Variants in CRB1 observed in about 807,000 individuals in gnomAD.
CRB1 encodes protein crumbs homolog 1.
A neutral mutation model predicts 120.0 loss-of-function variants in CRB1; 83 were observed. That is an observed-to-expected ratio of 0.69 (90% confidence interval 0.58 to 0.83). The LOEUF (loss-of-function observed/expected upper bound fraction) is 0.83. CRB1 is among the 40% of genes least tolerant of loss of function. The probability of loss-of-function intolerance (pLI) is 0.00; values close to 1 mark genes in which losing one functional copy is unlikely to be tolerated. For missense variants in CRB1, 1,699 were observed against 1,687.6 expected (o/e 1.01, Z -0.12); for synonymous variants, 625 against 612.5 (o/e 1.02, Z -0.30).
chr1:197,382,665 A>T (rs1476094648), intron 5 of CRB1, among the ~76,000 whole-genome samples: 2 of 152,180 alleles, frequency 1.3e-5, no homozygotes, highest in African/African-American at 4.8e-5. Flanking sequence ...CCCAAAGTAA[A>T]ATTGTCATAG....
intron 11 of CRB1, among the ~76,000 whole-genome samples, chr1:197,448,821 C>T (rs1665823760): frequency 6.6e-6 from 1 of 152,204 alleles, no homozygotes; most frequent in Admixed American, 6.5e-5. Context: ...CACACAAAAA[C>T]AGCATCCAAT....
intron 1 of CRB1, among the ~76,000 whole-genome samples, chr1:197,327,019 G>A (rs1225069674): frequency 6.9e-6 from 1 of 145,348 alleles, no homozygotes; most frequent in Non-Finnish European, 1.5e-5. Context: ...ATAAAGGTAA[G>A]AGCTAGCATT....
At chr1:197,224,902 CTTT>C in the CRB1 span, among the ~76,000 whole-genome samples, 1 of 151,780 alleles carries the variant, frequency 6.6e-6, no homozygotes, top group Non-Finnish European at 1.5e-5. Flanking sequence ...AACAAACTTT[CTTT>C]TATTATATAT....
At chr1:197,422,881 C>A (rs896922846) in intron 6 of CRB1, 1 of 152,046 alleles carries the variant, frequency 6.6e-6, no homozygotes, top group African/African-American at 2.4e-5. Context: ...AAATTAAAAC[C>A]AGTCTTAGCC....
intron 5 of CRB1, among the ~76,000 whole-genome samples, chr1:197,406,155 A>T (rs1663380262): frequency 6.6e-6 from 1 of 152,236 alleles, no homozygotes; most frequent in Non-Finnish European, 1.5e-5. Flanking sequence ...TGGGGAAAAG[A>T]TTGAGAAATC....
Position 197,434,629 on chromosome 1 carries a change from C to T in CRB1, c.2843-77C>T, listed in dbSNP as rs149307211. 25 of 1,229,520 alleles carry T rather than the reference C, an allele frequency of 2.0e-5. No homozygotes were observed. In the East Asian group the frequency reaches 5.9e-4, roughly 29 times the overall value. 76.2% of individuals were successfully genotyped at this position (1,229,520 alleles called of 1,614,324 possible). A position where few individuals can be genotyped will look rare whatever the true frequency, so the allele number is the denominator to read the frequency against. On this transcript the variant is annotated intron_variant, in intron 8 of 11. Transcript: ENST00000367400. ...TATGCAATGTTATTAACACAATGAT[C>T]ATTACTATTAATAACGGTAATTAAG...
intron 5 of CRB1, among the ~76,000 whole-genome samples, chr1:197,411,446 C>T (rs1663708093): frequency 6.6e-6 from 1 of 152,210 alleles, no homozygotes; most frequent in African/African-American, 2.4e-5. Context: ...CATAGGTCTT[C>T]ACCCAATAAG....
intron 5 of CRB1, among the ~76,000 whole-genome samples, chr1:197,393,306 T>C (rs1043171559): frequency 6.6e-6 from 1 of 152,098 alleles, no homozygotes; most frequent in East Asian, 1.9e-4. Context: ...CTAGGTTTGC[T>C]CCTCCTACCT....
intron 8 of CRB1, among the ~76,000 whole-genome samples, chr1:197,430,162 AC>A (rs1294873309): frequency 6.6e-6 from 1 of 152,214 alleles, no homozygotes; most frequent in Non-Finnish European, 1.5e-5. Context: ...CATCTTCTGT[AC>A]TACAAAAAAC....
At chr1:197,224,500 A>G in the CRB1 span, among the ~76,000 whole-genome samples, 2 of 152,180 alleles carry the variant, frequency 1.3e-5, no homozygotes, top group African/African-American at 4.8e-5. Flanking sequence ...ACACTAACAT[A>G]GAATGCTGAG....
At chr1:197,329,502 T>A (rs1658728198) in intron 2 of CRB1, among the ~76,000 whole-genome samples, 2 of 152,226 alleles carry the variant, frequency 1.3e-5, no homozygotes, top group Admixed American at 1.3e-4. Context: ...AAAAAAAGCC[T>A]GTTCTTGTTT....
chr1:197,270,798 C>A (rs1167050970), intron 1 of CRB1, among the ~76,000 whole-genome samples: 1 of 152,140 alleles, frequency 6.6e-6, no homozygotes, highest in Non-Finnish European at 1.5e-5. Context: ...AGTGTGGGCT[C>A]TTAGCTTGCA....
chr1:197,382,545 C>T (rs534305634), intron 5 of CRB1, among the ~76,000 whole-genome samples: 6 of 152,222 alleles, frequency 3.9e-5, no homozygotes, highest in Admixed American at 1.3e-4. Flanking sequence ...TATTCAAAGA[C>T]AGCAAGACGT....
At position 197,310,225 on chromosome 1, in the gene CRB1, ACT is replaced by A. The variant is rs200816234; in HGVS notation, c.71-18192_71-18191del. ...GTTCAAGGAGGATCCTGCCCTTGAGACTCTCTTTCCCTCCTCAAGGAGAATGA... is the reference window on the plus strand; with the variant it reads ...GTTCAAGGAGGATCCTGCCCTTGAGACTCTTTCCCTCCTCAAGGAGAATGA... On this transcript the variant is annotated intron_variant, in intron 1 of 11. Transcript: ENST00000367400. 6.3e-3 allele frequency among the ~76,000 whole-genome samples: 965 copies of A among 152,172 alleles called. 8 individuals are homozygous for A. Among genetic ancestry groups the A allele is most frequent in the African/African-American group, 0.022 (900 of 41,492 alleles).
At chr1:197,462,888 C>CTTTTT (rs66833712) in intron 11 of CRB1, among the ~76,000 whole-genome samples, 2 of 147,596 alleles carry the variant, frequency 1.4e-5, no homozygotes, top group Non-Finnish European at 1.5e-5. Context: ...CAATGCAGAT[C>CTTTTT]TTTTTTTTTT....
In CRB1 at chr1:197,338,921, G is replaced by A. The variant is rs986894177; in HGVS notation, c.653-5360G>A. ...AGTTGTAACAAGAGGCTAAGGCACTGCTGATTGTAAAGTGCATCTCGGTTC... is the reference window on the plus strand; with the variant it reads ...AGTTGTAACAAGAGGCTAAGGCACTACTGATTGTAAAGTGCATCTCGGTTC... On this transcript the variant is annotated intron_variant, in intron 2 of 11. Transcript: ENST00000367400. 3.9e-5 allele frequency among the ~76,000 whole-genome samples: 6 copies of A among 152,278 alleles called. No homozygotes were observed. The South Asian group carries it at 1.2e-3, about 32-fold the overall frequency.
chr1:197,342,613 C>T (rs1659534577), intron 2 of CRB1, among the ~76,000 whole-genome samples: 1 of 151,998 alleles, frequency 6.6e-6, no homozygotes, highest in Admixed American at 6.6e-5. Flanking sequence ...TTTCCAGTCT[C>T]TATATTTTAT....
chr1:197,217,287 A>G, the CRB1 span, among the ~76,000 whole-genome samples: 79 of 152,174 alleles, frequency 5.2e-4, no homozygotes, highest in Non-Finnish European at 9.1e-4. Flanking sequence ...CAGTTCCTCA[A>G]CATCAAACAT....
intron 1 of CRB1, among the ~76,000 whole-genome samples, chr1:197,309,763 A>C (rs1425690230): frequency 2.0e-5 from 3 of 148,954 alleles, no homozygotes; most frequent in Non-Finnish European, 3.0e-5. Flanking sequence ...AAAATAAATA[A>C]ATAAATAAAT....
Sources: gnomAD v4.1 joint callset for allele counts (sites outside exome capture counted in the v4.1 genomes callset) on GRCh38, gnomAD v4.1.1 for gene constraint, MANE v1.5 for transcripts, NCBI Gene and HGNC (gene_info 2026-07-23, HGNC 2026-07-21) for gene names.